Variants in CRADD observed in about 807,000 individuals in gnomAD.
CRADD encodes the protein CARD and death domain containing adaptor protein.
In CRADD, 9 loss-of-function variants were observed where a neutral mutation model predicts 15.5. That is an observed-to-expected ratio of 0.58 (90% CI 0.35 to 1.01). The LOEUF (loss-of-function observed/expected upper bound fraction) is 1.01. Among genes scored for constraint, CRADD ranks in the 50% least tolerant of loss-of-function variants. The probability of loss-of-function intolerance (pLI) is 0.02; values close to 1 mark genes in which losing one functional copy is unlikely to be tolerated. For missense variants in CRADD, 227 were observed against 250.3 expected, an observed-to-expected ratio of 0.91 and a Z score of 0.63; for synonymous variants, 118 against 107.6, an observed-to-expected ratio of 1.10 and a Z score of -0.60.
At chr12:93,811,747 C>T (rs190709964) in intron 2 of CRADD, among the ~76,000 whole-genome samples, 2 of 152,284 alleles carry the variant, frequency 1.3e-5, no homozygotes, top group Admixed American at 1.3e-4. Context: ...TACAACTAAA[C>T]ATACTCTTAC....
intron 2 of CRADD, among the ~76,000 whole-genome samples, chr12:93,757,590 G>A (rs1592965025): frequency 6.6e-6 from 1 of 152,152 alleles, no homozygotes; most frequent in African/African-American, 2.4e-5. Context: ...ATAACTTGTC[G>A]TTTTTCTGTT....
At chr12:93,847,510 A>C (rs1323153213) in intron 2 of CRADD, among the ~76,000 whole-genome samples, 1 of 147,844 alleles carries the variant, frequency 6.8e-6, no homozygotes, top group African/African-American at 2.5e-5. Context: ...AAAAAAAAAA[A>C]AAAAAAAAAA....
chr12:93,729,839 A>G (rs1256490495), intron 2 of CRADD, among the ~76,000 whole-genome samples: 1 of 152,044 alleles, frequency 6.6e-6, no homozygotes, highest in African/African-American at 2.4e-5. Context: ...AAAGAACACC[A>G]TAATATTAAA....
downstream of CRADD, among the ~76,000 whole-genome samples, chr12:93,853,417 A>G (rs1565940181): frequency 6.7e-6 from 1 of 149,354 alleles, no homozygotes; most frequent in Non-Finnish European, 1.5e-5. Flanking sequence ...TGTGTTCACA[A>G]CACACTTTCG....
At chr12:93,756,574 G>C (rs1185616722) in intron 2 of CRADD, among the ~76,000 whole-genome samples, 6 of 152,218 alleles carry the variant, frequency 3.9e-5, no homozygotes, top group Non-Finnish European at 8.8e-5. Context: ...GGCCTTCCTT[G>C]TTCACTGCTG....
At chr12:93,846,635 A>G (rs12372166) in intron 2 of CRADD, 24,463 of 150,968 alleles carry the variant, frequency 0.16, 2,093 homozygotes, top group Middle Eastern at 0.27. Context: ...CGATGGACAT[A>G]GCTGAAAATC....
intron 2 of CRADD, among the ~76,000 whole-genome samples, chr12:93,767,736 A>G (rs986247887): frequency 1.3e-5 from 2 of 152,222 alleles, no homozygotes; most frequent in Non-Finnish European, 2.9e-5. Flanking sequence ...AGAGGAAGGC[A>G]GGGTTCATGC....
chr12:93,819,951 A>G (rs1031464465), intron 2 of CRADD, among the ~76,000 whole-genome samples: 1 of 152,334 alleles, frequency 6.6e-6, no homozygotes, highest in Non-Finnish European at 1.5e-5. Context: ...TTTCACTCTC[A>G]TATCACTCAG....
chr12:93,694,269 TC>T (rs1474045176), intron 2 of CRADD, among the ~76,000 whole-genome samples: 4 of 152,116 alleles, frequency 2.6e-5, no homozygotes, highest in Admixed American at 2.6e-4. Context: ...AATGTCAACA[TC>T]CCTTCATTAT....
chr12:93,891,101 A>T (rs150972634), intron 2 of CRADD, among the ~76,000 whole-genome samples: 172 of 152,260 alleles, frequency 1.1e-3, no homozygotes, highest in African/African-American at 4.0e-3. Flanking sequence ...TGTAAAATGT[A>T]TAAAACCAAG....
At position 93,785,098 on chromosome 12, in the gene CRADD, TA is replaced by T. The variant is rs77719599; in HGVS notation, c.299-64868del. 3.4e-3 allele frequency among the ~76,000 whole-genome samples: 517 copies of T among 150,830 alleles called. 5 individuals are homozygous for T. Among genetic ancestry groups the T allele is most frequent in the African/African-American group, 0.011 (432 of 41,088 alleles). ...CAATGTTGTGTTTTGCTTTTTTTTT[TA>T]AAATAGGAACTATGTTTGATAATGC... On this transcript the variant is annotated intron_variant, in intron 2 of 2. Transcript: ENST00000332896.
chr12:93,846,815 T>C (rs560213688), intron 2 of CRADD, among the ~76,000 whole-genome samples: 7 of 152,186 alleles, frequency 4.6e-5, no homozygotes, highest in Admixed American at 6.5e-5. Context: ...TAGAAGGTTA[T>C]GCCAGCCAGG....
chr12:93,800,507 C>G (rs1957465525), intron 2 of CRADD, among the ~76,000 whole-genome samples: 1 of 152,028 alleles, frequency 6.6e-6, no homozygotes, highest in Non-Finnish European at 1.5e-5. Context: ...GGGGACGGTT[C>G]CCCCATGTTG....
intron 2 of CRADD, among the ~76,000 whole-genome samples, chr12:93,780,202 TTCTC>T (rs10546418): frequency 0.11 from 16,747 of 152,154 alleles, 2,297 homozygotes; most frequent in African/African-American, 0.32. Context: ...TGGCTTCTCT[TTCTC>T]TATTAAAGAC....
At chr12:93,699,874 G>C (rs7971395) in intron 2 of CRADD, among the ~76,000 whole-genome samples, 1 of 152,222 alleles carries the variant, frequency 6.6e-6, no homozygotes, top group Non-Finnish European at 1.5e-5. Flanking sequence ...GGAGTTTGAA[G>C]TCTGTATGGT....
chr12:93,826,915 A>G (rs1052445532), intron 2 of CRADD: 1 of 152,196 alleles, frequency 6.6e-6, no homozygotes, highest in Non-Finnish European at 1.5e-5. Flanking sequence ...GACTCAACCT[A>G]ATAATTAGAT....
downstream of CRADD, among the ~76,000 whole-genome samples, chr12:93,854,762 T>C (rs17021633): frequency 0.28 from 43,087 of 152,090 alleles, 6,353 homozygotes; most frequent in East Asian, 0.46. Flanking sequence ...CTCAGCCACA[T>C]ACGTTTATGG....
At chr12:93,729,425 T>C (rs1272174080) in intron 2 of CRADD, among the ~76,000 whole-genome samples, 1 of 152,186 alleles carries the variant, frequency 6.6e-6, no homozygotes, top group Non-Finnish European at 1.5e-5. Flanking sequence ...AATCTTTATT[T>C]ATAATCTTGT....
chr12:93,785,507 C>G (rs945489226), intron 2 of CRADD, among the ~76,000 whole-genome samples: 1 of 152,118 alleles, frequency 6.6e-6, no homozygotes, highest in African/African-American at 2.4e-5. Context: ...GCTTCTTTTC[C>G]CCTTCAGTAT....
Sources: allele counts gnomAD v4.1 joint callset (sites outside exome capture counted in the v4.1 genomes callset), GRCh38; gene constraint gnomAD v4.1.1; transcripts MANE v1.5; gene names NCBI Gene and HGNC (gene_info 2026-07-23, HGNC 2026-07-21).